ITFG2: variants seen among roughly 807,000 people sequenced by gnomAD.
ITFG2 encodes the protein KICSTOR complex protein ITFG2.
In ITFG2, 36 loss-of-function variants were observed where a neutral mutation model predicts 54.4. The observed-to-expected ratio is 0.66, with a 90% CI of 0.51 to 0.87. ITFG2 has a LOEUF of 0.87. ITFG2 is among the 40% of genes least tolerant of loss of function. ITFG2 has a pLI of 0.00. For synonymous variants in ITFG2, 211 were observed against 225.4 expected, an observed-to-expected ratio of 0.94 and a Z score of 0.57; for missense variants, 524 against 576.7, an observed-to-expected ratio of 0.91 and a Z score of 0.94.
At chr12:2,834,806 C>T, upstream of ITFG2, 4 of 1,613,754 alleles carry the variant, frequency 2.5e-6, no homozygotes, top group Non-Finnish European at 2.5e-6. Flanking sequence ...TCTCCCTCAT[C>T]TCTCCTGGCC....
At chr12:2,825,140 C>A (rs905058575), downstream of ITFG2, 3 of 152,140 alleles carry the variant, frequency 2.0e-5, no homozygotes, top group Admixed American at 6.5e-5. Context: ...TACTGAGTGC[C>A]ATGTAAAATG....
intron 1 of ITFG2, among the ~76,000 whole-genome samples, chr12:2,814,253 A>G (rs2097916315): frequency 6.6e-6 from 1 of 152,216 alleles, no homozygotes; most frequent in Non-Finnish European, 1.5e-5. Flanking sequence ...CCATACTTTT[A>G]AACAGTAAAT....
chr12:2,834,009 C>T (rs1346714493), upstream of ITFG2, among the ~76,000 whole-genome samples: 2 of 152,240 alleles, frequency 1.3e-5, no homozygotes, highest in East Asian at 1.9e-4. Flanking sequence ...CGCCCACTCA[C>T]ATCCTCACTG....
At chr12:2,827,919 G>T (rs975401424), downstream of ITFG2, 44 of 1,613,948 alleles carry the variant, frequency 2.7e-5, no homozygotes, top group Non-Finnish European at 3.6e-5. The surrounding 1 kb of genome is among the most constrained non-coding windows in gnomAD (Gnocchi z 4.0). Context: ...CAGAAGGGGG[G>T]ACTTACCCAC....
chr12:2,830,172 G>A (rs2097994270), intron 2 of ITFG2: 1 of 152,176 alleles, frequency 6.6e-6, no homozygotes, highest in African/African-American at 2.4e-5. Flanking sequence ...AATCAGAAAA[G>A]GTTTCAAGGA....
rs1350475701 is a variant in ITFG2 at position 2,819,860 on chromosome 12, A to G, written c.407-226A>G. On this transcript the variant is annotated intron_variant, in intron 4 of 11. Transcript: ENST00000228799. ...TGGGACACTTTGAGTTGCATGTTTG[A>G]GAAGTAATATGAAGGCAGAGAGCGG... The G allele has an allele frequency of 3.5e-4, 140 of 398,942 alleles. 2 individuals are homozygous for G. The highest frequency in any genetic ancestry group is 4.1e-5 in the East Asian group (1 of 24,648). The allele number at this position is 398,942 out of a possible 1,614,324, so 24.7% of individuals were successfully genotyped here. A position where few individuals can be genotyped will look rare whatever the true frequency, so the allele number is the denominator to read the frequency against.
rs1405395269 is a variant in ITFG2, at chr12:2,823,001, C to T, written c.1066+90C>T. ...CAGGGAAGTGTTTGCCCCTCACTTCCCTTTCTGACGTATCCCCTGATGTAA... is the reference window on the plus strand; with the variant it reads ...CAGGGAAGTGTTTGCCCCTCACTTCTCTTTCTGACGTATCCCCTGATGTAA... On this transcript the variant is annotated intron_variant, in intron 10 of 11. Coordinates refer to ENST00000228799, the MANE Select transcript of ITFG2 (RefSeq NM_018463.4). The T allele has an allele frequency of 4.3e-6, 4 of 937,018 alleles. No individual in the cohort carries two copies. The African/African-American group carries it at 4.9e-5, about 11-fold the overall frequency. The allele number at this position is 937,018 out of a possible 1,614,324, so 58.0% of individuals were successfully genotyped here.
At position 2,820,697 on chromosome 12, in the gene ITFG2, T is replaced by A. The variant is rs201767066; in HGVS notation, c.547-27T>A. Reference sequence around the variant, plus strand: ...GGACCCACTTCCTTCTCTCTCCGTCTCCCTTTAATCCCATTCCCTGGTGCA... The same window carrying A: ...GGACCCACTTCCTTCTCTCTCCGTCACCCTTTAATCCCATTCCCTGGTGCA... On this transcript the variant is annotated intron_variant, in intron 5 of 11. Coordinates refer to ENST00000228799, the MANE Select transcript of ITFG2 (RefSeq NM_018463.4). The A allele has an allele frequency of 4.2e-4, 581 of 1,395,712 alleles. 4 individuals are homozygous for A. The highest frequency in any genetic ancestry group is 3.5e-4 in the Admixed American group (18 of 51,914). 86.5% of individuals were successfully genotyped at this position (1,395,712 alleles called of 1,614,324 possible).
chr12:2,812,900 G>C (rs374263180), intron 1 of ITFG2, 44 bp downstream of exon 1: 1 of 1,535,218 alleles, frequency 6.5e-7, no homozygotes, highest in Non-Finnish European at 9.0e-7. Flanking sequence ...ATCTGTGCAG[G>C]GACGGGGCAA....
chr12:2,827,295 C>G (rs769869509), downstream of ITFG2: 20 of 1,613,382 alleles, frequency 1.2e-5, no homozygotes, highest in Non-Finnish European at 2.5e-6. The surrounding 1 kb of genome is among the most constrained non-coding windows in gnomAD (Gnocchi z 4.0). Flanking sequence ...CAGGTCGATG[C>G]AGCACTGCGG....
intron 2 of ITFG2, chr12:2,830,590 AGAGAGGT>A: frequency 8.9e-7 from 1 of 1,129,546 alleles, no homozygotes. Flanking sequence ...CAGGCTAGGG[AGAGAGGT>A]GCCCTTTCTC....
chr12:2,836,618 G>A (rs1462305194), upstream of ITFG2: 2 of 152,330 alleles, frequency 1.3e-5, no homozygotes, highest in South Asian at 2.1e-4. Flanking sequence ...CCCCCCAAAT[G>A]TACCCCTAAC....
chr12:2,848,497 C>T (rs910018832), intron 2 of ITFG2, among the ~76,000 whole-genome samples: 1 of 152,208 alleles, frequency 6.6e-6, no homozygotes, highest in Admixed American at 6.5e-5. Context: ...ACCCTTCCCC[C>T]ACAGGTATCC....
intron 6 of ITFG2, 138 bp downstream of exon 6, chr12:2,821,010 A>G: frequency 2.2e-6 from 2 of 913,976 alleles, no homozygotes; most frequent in Admixed American, 2.7e-5. Flanking sequence ...CCTTTGCCCC[A>G]CTGGGGAAGA....
chr12:2,843,523 C>T (rs756536572), intron 2 of ITFG2, among the ~76,000 whole-genome samples: 6 of 152,180 alleles, frequency 3.9e-5, no homozygotes, highest in African/African-American at 9.6e-5. Context: ...TCAAGAGTTC[C>T]AACTCATGGC....
At chr12:2,855,454 G>A in intron 2 of ITFG2, 9 of 1,427,260 alleles carry the variant, frequency 6.3e-6, no homozygotes, top group Non-Finnish European at 8.3e-6. Flanking sequence ...CATCTAGGGA[G>A]AGACAAAAGG....
intron 9 of ITFG2, among the ~76,000 whole-genome samples, chr12:2,822,258 C>T (rs190954448): frequency 7.2e-5 from 11 of 152,262 alleles, no homozygotes; most frequent in Admixed American, 3.9e-4. Context: ...CCATCTGAAG[C>T]GAGTTTGTTT....
downstream of ITFG2, chr12:2,826,815 T>TCGCC: frequency 3.5e-5 from 9 of 257,980 alleles, no homozygotes; most frequent in South Asian, 9.1e-5. Context: ...GACATGGTGG[T>TCGCC]GTGGGAAGTT....
At chr12:2,819,016 A>C (rs996398828) in intron 4 of ITFG2, among the ~76,000 whole-genome samples, 1 of 151,716 alleles carries the variant, frequency 6.6e-6, no homozygotes, top group Non-Finnish European at 1.5e-5. Context: ...CGTCTCCAAA[A>C]AAAAAAAGAA....
Sources: gnomAD v4.1 joint callset for allele counts (sites outside exome capture counted in the v4.1 genomes callset) on GRCh38, gnomAD v4.1.1 for gene constraint, Gnocchi (gnomAD v3.1) non-coding constraint, MANE v1.5 for transcripts, NCBI Gene and HGNC (gene_info 2026-07-23, HGNC 2026-07-21) for gene names.